Variants in TG observed in about 807,000 individuals in gnomAD.
TG encodes thyroglobulin.
TG carries 270 observed loss-of-function variants against 324.7 expected under a neutral mutation model. The observed-to-expected ratio is 0.83, with a 90% CI of 0.75 to 0.92. The LOEUF is 0.92. Ranked by LOEUF, TG falls within the 40% of genes least tolerant of loss-of-function variation. TG has a pLI of 0.00. For synonymous variants in TG, 1,401 were observed against 1,327.0 expected, an observed-to-expected ratio of 1.06 and a Z score of -1.21; for missense variants, 3,591 against 3,456.4, an observed-to-expected ratio of 1.04 and a Z score of -0.98.
At chr8:132,975,839 G>A (rs1438378075) in intron 34 of TG, among the ~76,000 whole-genome samples, 21 of 152,152 alleles carry the variant, frequency 1.4e-4, no homozygotes, top group Non-Finnish European at 2.9e-5. Context: ...GTGATTGAAG[G>A]TGAAAAAGCC....
intron 18 of TG, among the ~76,000 whole-genome samples, chr8:132,910,493 A>G (rs1317209497): frequency 6.6e-6 from 1 of 152,146 alleles, no homozygotes; most frequent in Non-Finnish European, 1.5e-5. Context: ...CCCGAAATTC[A>G]TATCCAAACC....
At position 132,948,776 on chromosome 8, in the gene TG, G is replaced by A. The variant is rs1825704853; in HGVS notation, c.5234G>A (p.Gly1745Asp). The change falls in exon 27 of 48, where the codon GGT becomes GAT. Residue 1745 changes from glycine to aspartate, a missense_variant and splice_region_variant. Gly to Asp is a moderately conservative substitution (Grantham distance 94, BLOSUM62 -1). Coordinates refer to ENST00000220616, the MANE Select transcript of TG (RefSeq NM_003235.5). ...CTCTCCTACCTCTTGTGATTCTCAG[G>A]TGCCATCATCTGTGGGTTGCTGAGC... ...DGFVLTQVQG[G>D]AIICGLLSSP... 3.1e-6 allele frequency: 5 copies of A among 1,613,378 alleles called. No homozygotes were observed. The highest frequency in any genetic ancestry group is 2.2e-5 in the East Asian group (1 of 44,868).
intron 27 of TG, among the ~76,000 whole-genome samples, chr8:132,955,501 C>G (rs1013523635): frequency 3.3e-5 from 5 of 152,200 alleles, no homozygotes; most frequent in Admixed American, 2.6e-4. Context: ...CTATTGGGCT[C>G]AGGAATCTGT....
In TG at chr8:132,897,777, G is replaced by T. The variant is rs139852375; in HGVS notation, c.3130G>T (p.Ala1044Ser). The T allele has an allele frequency of 1.2e-6, 2 of 1,614,192 alleles. No homozygotes were observed. The highest frequency in any genetic ancestry group is 1.1e-5 in the South Asian group (1 of 91,086). The change falls in exon 12 of 48, where the codon GCT becomes TCT. Residue 1044 changes from alanine (A) to serine (S), a missense_variant. Ala to Ser is a moderately conservative substitution (Grantham distance 99, BLOSUM62 1). Transcript: ENST00000220616. ...FGSWEPVQCH[A>S]GTGHCWCVDE... The stretch of plus-strand genomic sequence containing the variant: ...AAGTTGGGAGCCTGTGCAGTGCCAC[G>T]CTGGGACTGGTAAGGAGGGATAGGC...
chr8:132,995,885 G>A (rs1165444805), intron 35 of TG, among the ~76,000 whole-genome samples: 2 of 152,206 alleles, frequency 1.3e-5, no homozygotes, highest in African/African-American at 4.8e-5. Context: ...GAAGTTAGCA[G>A]CATTAAAGAT....
At chr8:133,080,984 G>A (rs1845659303) in intron 41 of TG, among the ~76,000 whole-genome samples, 1 of 152,248 alleles carries the variant, frequency 6.6e-6, no homozygotes, top group Non-Finnish European at 1.5e-5. Context: ...ATTGCGTATT[G>A]GAGTAACGAG....
At chr8:133,126,517 T>C (rs1381202443) in intron 45 of TG, among the ~76,000 whole-genome samples, 1 of 140,906 alleles carries the variant, frequency 7.1e-6, no homozygotes, top group Non-Finnish European at 1.5e-5. Flanking sequence ...CAATATATCA[T>C]ACAGCTCTGC....
intron 41 of TG, chr8:133,048,972 A>C: frequency 3.0e-6 from 1 of 332,160 alleles, no homozygotes; most frequent in Non-Finnish European, 6.1e-6. Context: ...TTATCAATGG[A>C]TGCCTCCTTC....
At chr8:133,038,716 T>C (rs1427700869) in intron 41 of TG, 1 of 1,613,726 alleles carries the variant, frequency 6.2e-7, no homozygotes, top group East Asian at 2.2e-5. Context: ...GGTTCTCTGT[T>C]CCCTCGGGGT....
intron 5 of TG, among the ~76,000 whole-genome samples, chr8:132,874,503 T>C (rs765548092): frequency 2.6e-5 from 4 of 152,212 alleles, no homozygotes; most frequent in Non-Finnish European, 5.9e-5. Flanking sequence ...CAAAGACTGA[T>C]ATGAATTCTC....
intron 21 of TG, among the ~76,000 whole-genome samples, chr8:132,920,235 G>T (rs969452544): frequency 6.6e-6 from 1 of 152,152 alleles, no homozygotes; most frequent in Non-Finnish European, 1.5e-5. Flanking sequence ...CCTGGGTATT[G>T]TTGGGTTTTT....
chr8:133,043,500 A>C (rs1448031744), intron 41 of TG, among the ~76,000 whole-genome samples: 1 of 152,184 alleles, frequency 6.6e-6, no homozygotes, highest in Non-Finnish European at 1.5e-5. Context: ...TTTATTTTGC[A>C]TCTGCTATGT....
intron 41 of TG, among the ~76,000 whole-genome samples, chr8:133,055,377 A>G (rs763281029): frequency 1.1e-3 from 35 of 32,958 alleles, no homozygotes; most frequent in African/African-American, 9.7e-3. Context: ...ACACACACAC[A>G]CACACACACA....
chr8:132,923,242 A>G, intron 21 of TG, 96 bp from the exon 22 acceptor site: 1 of 1,355,348 alleles, frequency 7.4e-7, no homozygotes, highest in Non-Finnish European at 1.0e-6. Flanking sequence ...TAGATGTGTG[A>G]CTTGGACACC....
intron 44 of TG, among the ~76,000 whole-genome samples, chr8:133,115,136 C>T (rs1446748123): frequency 6.7e-6 from 1 of 149,364 alleles, no homozygotes. Flanking sequence ...AACCTAGGTT[C>T]TTGCCTTAAT....
At chr8:133,032,721 A>G (rs1164950748) in intron 41 of TG, among the ~76,000 whole-genome samples, 1 of 152,246 alleles carries the variant, frequency 6.6e-6, no homozygotes, top group Non-Finnish European at 1.5e-5. Context: ...ATTCTGGGAT[A>G]AAATCTTAAG....
chr8:133,104,933 A>G (rs1376862479), intron 43 of TG, among the ~76,000 whole-genome samples: 1 of 152,270 alleles, frequency 6.6e-6, no homozygotes, highest in African/African-American at 2.4e-5. Context: ...CATGACAGGA[A>G]TTGTGTCATG....
At chr8:132,871,639 C>A in intron 4 of TG, 88 bp downstream of exon 4, 3 of 1,354,838 alleles carry the variant, frequency 2.2e-6, no homozygotes, top group South Asian at 2.8e-5. Context: ...GGGTTTCCTG[C>A]CGAAGTGGGC....
intron 16 of TG, among the ~76,000 whole-genome samples, chr8:132,903,565 G>A (rs1188063474): frequency 6.6e-6 from 1 of 152,194 alleles, no homozygotes; most frequent in Non-Finnish European, 1.5e-5. Flanking sequence ...CCAGGTTCCT[G>A]GTCATGTGAT....
Sources: gnomAD v4.1 joint callset for allele counts (sites outside exome capture counted in the v4.1 genomes callset) on GRCh38, gnomAD v4.1.1 for gene constraint, MANE v1.5 for transcripts, NCBI Gene and HGNC (gene_info 2026-07-23, HGNC 2026-07-21) for gene names.